SLC8A1: variants seen among roughly 807,000 people sequenced by gnomAD.
SLC8A1 encodes the protein sodium/calcium exchanger 1.
A neutral mutation model predicts 68.3 loss-of-function variants in SLC8A1; 18 were observed. That is an observed-to-expected ratio of 0.26 (90% CI 0.18 to 0.39). The LOEUF (loss-of-function observed/expected upper bound fraction) is 0.39. SLC8A1 is among the 10% of genes least tolerant of loss of function. The probability of loss-of-function intolerance (pLI) is 1.00; values close to 1 mark genes in which losing one functional copy is unlikely to be tolerated. For missense variants in SLC8A1, 985 were observed against 1,156.7 expected, an observed-to-expected ratio of 0.85 and a Z score of 2.15; for synonymous variants, 475 against 415.5, an observed-to-expected ratio of 1.14 and a Z score of -1.74.
intron 2 of SLC8A1, among the ~76,000 whole-genome samples, chr2:40,420,670 G>A (rs1054986518): frequency 1.3e-5 from 2 of 152,156 alleles, no homozygotes; most frequent in African/African-American, 4.8e-5. Flanking sequence ...GGCACGGGGT[G>A]CAATGTGGTT....
intron 2 of SLC8A1, among the ~76,000 whole-genome samples, chr2:40,186,014 G>T (rs2050636679): frequency 6.6e-6 from 1 of 152,134 alleles, no homozygotes; most frequent in Non-Finnish European, 1.5e-5. Flanking sequence ...AATGCTGGTT[G>T]CCCCCTCCAG....
exon 2 of SLC8A1, chr2:40,429,331 T>C: frequency 1.9e-6 from 3 of 1,613,936 alleles, no homozygotes; most frequent in Non-Finnish European, 2.5e-6. Context: ...TTCATCATCT[T>C]GGTCCCTCTC....
intron 2 of SLC8A1, among the ~76,000 whole-genome samples, chr2:40,272,918 T>A (rs973860441): frequency 5.3e-5 from 8 of 152,152 alleles, no homozygotes; most frequent in Admixed American, 4.6e-4. Flanking sequence ...GGGCTATATG[T>A]AGGGACATGC....
At chr2:40,387,798 G>A (rs1684034280) in intron 2 of SLC8A1, among the ~76,000 whole-genome samples, 1 of 151,902 alleles carries the variant, frequency 6.6e-6, no homozygotes, top group South Asian at 2.1e-4. Flanking sequence ...ATTAGCGGGT[G>A]TGGTGGCATG....
intron 2 of SLC8A1, among the ~76,000 whole-genome samples, chr2:40,253,038 T>TATA (rs1464579332): frequency 2.1e-5 from 1 of 47,168 alleles, no homozygotes; most frequent in Non-Finnish European, 9.0e-5. Context: ...TACATATGTA[T>TATA]CAGTATATGT....
intron 1 of SLC8A1, among the ~76,000 whole-genome samples, chr2:40,471,172 T>C (rs939330914): frequency 2.0e-5 from 3 of 152,218 alleles, no homozygotes; most frequent in African/African-American, 2.4e-5. Context: ...ATTTAATCTT[T>C]AGAACCACCC....
chr2:40,452,344 G>A (rs942251916), upstream of SLC8A1, among the ~76,000 whole-genome samples: 8 of 152,020 alleles, frequency 5.3e-5, no homozygotes, highest in African/African-American at 9.7e-5. Flanking sequence ...CACCGAGCGG[G>A]TGGGGAGCCC....
intron 1 of SLC8A1, among the ~76,000 whole-genome samples, chr2:40,474,025 T>A (rs1393158299): frequency 6.6e-6 from 1 of 152,202 alleles, no homozygotes; most frequent in Non-Finnish European, 1.5e-5. Context: ...ATAAGTTACA[T>A]GATCTAGAAC....
At chr2:40,368,228 C>T (rs1287367972) in intron 2 of SLC8A1, among the ~76,000 whole-genome samples, 1 of 151,984 alleles carries the variant, frequency 6.6e-6, no homozygotes, top group East Asian at 1.9e-4. Flanking sequence ...TTGTGGATGT[C>T]TAACTACAGA....
chr2:40,210,127 G>T (rs1198365940), intron 2 of SLC8A1: 3 of 152,126 alleles, frequency 2.0e-5, no homozygotes, highest in Non-Finnish European at 2.9e-5. Flanking sequence ...TTTGGGGAGG[G>T]TTTAAATTAT....
At chr2:40,433,161 C>T (rs1049428700) in intron 1 of SLC8A1, among the ~76,000 whole-genome samples, 4 of 152,126 alleles carry the variant, frequency 2.6e-5, no homozygotes, top group Non-Finnish European at 4.4e-5. Context: ...ATCTGACACT[C>T]TTCACGTCCC....
intron 2 of SLC8A1, among the ~76,000 whole-genome samples, chr2:40,253,142 T>TA (rs1162308626): frequency 1.7e-5 from 2 of 115,268 alleles, no homozygotes; most frequent in Non-Finnish European, 3.4e-5. Context: ...TATATGTATA[T>TA]GTATATACAT....
chr2:40,502,527 C>G (rs969720028), intron 1 of SLC8A1, among the ~76,000 whole-genome samples: 2 of 151,874 alleles, frequency 1.3e-5, no homozygotes, highest in African/African-American at 2.4e-5. Flanking sequence ...TACTAGGTGA[C>G]AAAAACTAAA....
intron 2 of SLC8A1, among the ~76,000 whole-genome samples, chr2:40,360,679 T>C (rs888955389): frequency 1.3e-5 from 2 of 152,124 alleles, no homozygotes; most frequent in African/African-American, 4.8e-5. Context: ...CAAGGTCACA[T>C]AGCTGTAAAG....
chr2:40,342,645 A>G (rs921378345), intron 2 of SLC8A1, among the ~76,000 whole-genome samples: 5 of 152,164 alleles, frequency 3.3e-5, no homozygotes, highest in African/African-American at 1.2e-4. Context: ...CAAGGAATTT[A>G]GGGAACTTAT....
intron 2 of SLC8A1, among the ~76,000 whole-genome samples, chr2:40,252,184 C>T (rs1187650904): frequency 6.6e-6 from 1 of 152,132 alleles, no homozygotes; most frequent in East Asian, 1.9e-4. Flanking sequence ...TTACAGGTGG[C>T]TGAAGTGAAT....
exon 8 of SLC8A1, chr2:40,101,058 A>T (rs2125024385): frequency 6.6e-6 from 1 of 152,294 alleles, no homozygotes; most frequent in South Asian, 2.1e-4. Context: ...TTCAGGAAAC[A>T]TACATGTGTG....
chr2:40,283,088 A>G (rs988406868), intron 2 of SLC8A1, among the ~76,000 whole-genome samples: 2 of 152,336 alleles, frequency 1.3e-5, no homozygotes, highest in Non-Finnish European at 2.9e-5. Flanking sequence ...AGATTCCAAG[A>G]CGATTTAGAA....
chr2:40,296,562 C>T (rs1032145041), intron 2 of SLC8A1, among the ~76,000 whole-genome samples: 2 of 152,030 alleles, frequency 1.3e-5, no homozygotes, highest in South Asian at 2.1e-4. Context: ...TTTCCTAAAT[C>T]CTACTTCTGA....
Sources: allele counts gnomAD v4.1 joint callset (sites outside exome capture counted in the v4.1 genomes callset), GRCh38; gene constraint gnomAD v4.1.1; transcripts MANE v1.5; gene names NCBI Gene and HGNC (gene_info 2026-07-23, HGNC 2026-07-21).